Variants in GREB1L observed in about 807,000 individuals in gnomAD.
GREB1L encodes the protein GREB1 like retinoic acid receptor coactivator.
In GREB1L, 17 loss-of-function variants were observed where a neutral mutation model predicts 200.8. The observed-to-expected ratio is 0.08, with a 90% CI of 0.06 to 0.13. The LOEUF (loss-of-function observed/expected upper bound fraction) is 0.13. GREB1L is among the 10% of genes least tolerant of loss of function. GREB1L has a pLI of 1.00. For synonymous variants in GREB1L, 789 were observed against 893.0 expected (o/e 0.88, Z 2.08); for missense variants, 1,657 against 2,367.7 (o/e 0.70, Z 6.23).
chr18:21,273,936 T>C (rs1168086781), intron 1 of GREB1L, among the ~76,000 whole-genome samples: 1 of 152,262 alleles, frequency 6.6e-6, no homozygotes, highest in African/African-American at 2.4e-5. Context: ...CTTACTGTTT[T>C]AGATGACAAT....
At chr18:21,399,397 A>G (rs1461384743) in intron 5 of GREB1L, among the ~76,000 whole-genome samples, 2 of 152,130 alleles carry the variant, frequency 1.3e-5, no homozygotes, top group Non-Finnish European at 2.9e-5. Context: ...TGTCTAGCAC[A>G]TAATAGAGTA....
At chr18:21,430,495 C>T (rs1204274635) in intron 7 of GREB1L, among the ~76,000 whole-genome samples, 1 of 143,838 alleles carries the variant, frequency 7.0e-6, no homozygotes, top group Non-Finnish European at 1.5e-5. Context: ...TTCCTTTCTT[C>T]TTCTTTCTTT....
chr18:21,463,581 C>G (rs2035145516), intron 15 of GREB1L, among the ~76,000 whole-genome samples: 1 of 151,940 alleles, frequency 6.6e-6, no homozygotes, highest in East Asian at 2.0e-4. Context: ...AAAGAAAAAT[C>G]CTCCTGTCCA....
chr18:21,263,550 T>G (rs2037921466), intron 1 of GREB1L, among the ~76,000 whole-genome samples: 1 of 152,224 alleles, frequency 6.6e-6, no homozygotes, highest in African/African-American at 2.4e-5. Context: ...AACTTGAATT[T>G]TCCATTTGAA....
At chr18:21,326,804 C>G (rs1185831473) in intron 1 of GREB1L, among the ~76,000 whole-genome samples, 1 of 152,208 alleles carries the variant, frequency 6.6e-6, no homozygotes, top group Non-Finnish European at 1.5e-5. Flanking sequence ...CATTTAGAAA[C>G]TTCCCGAGCT....
At chr18:21,272,093 A>G (rs2038088388) in intron 1 of GREB1L, among the ~76,000 whole-genome samples, 1 of 152,242 alleles carries the variant, frequency 6.6e-6, no homozygotes, top group South Asian at 2.1e-4. Context: ...GGAATGATTC[A>G]TTAGGATAAG....
intron 1 of GREB1L, among the ~76,000 whole-genome samples, chr18:21,243,312 C>G (rs2037537332): frequency 1.3e-5 from 2 of 152,188 alleles, no homozygotes; most frequent in Non-Finnish European, 2.9e-5. Context: ...TTGCCCGGAA[C>G]TGCCGCTGCC....
intron 27 of GREB1L, among the ~76,000 whole-genome samples, chr18:21,510,617 C>A (rs2037201171): frequency 6.6e-6 from 1 of 152,210 alleles, no homozygotes; most frequent in Admixed American, 6.5e-5. Context: ...CTGCTCCCAC[C>A]TTATGGCTGT....
At position 21,440,275 on chromosome 18, in the gene GREB1L, T is replaced by G. The variant is rs536188766; in HGVS notation, c.956T>G (p.Met319Arg). Residue 319 changes from methionine to arginine, a missense_variant, in exon 9 of 33, where the codon ATG becomes AGG. Met to Arg is a moderately conservative substitution (Grantham distance 91, BLOSUM62 -1). Coordinates refer to ENST00000424526, the MANE Select transcript of GREB1L (RefSeq NM_001142966.3). ...TTTTTTTGTTTGTCTTCAGCTACCA[T>G]GTTCATTTCTGGGCCACCAAAGAAA... Reference protein sequence around the residue: ...PSYASGDQATMFISGPPKKRH... With the variant: ...PSYASGDQATRFISGPPKKRH... 6.4e-7 allele frequency: 1 copy of G among 1,551,672 alleles called. No individual in the cohort carries two copies. Among genetic ancestry groups the G allele is most frequent in the African/African-American group, 1.4e-5 (1 of 73,150 alleles).
chr18:21,395,358 T>A, intron 4 of GREB1L, 27 bp from the exon 5 acceptor site: 2 of 1,510,488 alleles, frequency 1.3e-6, no homozygotes, highest in East Asian at 2.5e-5. Flanking sequence ...CATTTCACTG[T>A]GTCCTTTTTT....
At chr18:21,461,001 G>A (rs1282356382) in intron 15 of GREB1L, among the ~76,000 whole-genome samples, 1 of 151,654 alleles carries the variant, frequency 6.6e-6, no homozygotes, top group Non-Finnish European at 1.5e-5. Context: ...GGAGGCTGAG[G>A]TGGGAGGATC....
At chr18:21,316,787 G>A (rs1255001474) in intron 1 of GREB1L, 35 of 130,898 alleles carry the variant, frequency 2.7e-4, no homozygotes, top group African/African-American at 9.9e-4. Context: ...TTTTTGAGAC[G>A]GAGTCTTGGT....
rs375582504 is a variant in GREB1L, at chr18:21,345,736, G to A, written c.-119-20291G>A. The stretch of plus-strand genomic sequence containing the variant: ...AAAATACGAAAATGAGCCAAGCATG[G>A]TGGCATGTGCCTGTAATCCCAGCTA... On this transcript the variant is annotated intron_variant, in intron 1 of 32. Coordinates refer to ENST00000424526, the MANE Select transcript of GREB1L (RefSeq NM_001142966.3). Among the ~76,000 whole-genome samples, 4 of 152,122 alleles carry A rather than the reference G, an allele frequency of 2.6e-5. No individual in the cohort carries two copies. The East Asian group carries it at 7.7e-4, about 29-fold the overall frequency.
rs1198228097 is a variant in GREB1L, at chr18:21,523,748, G to GACTC, written c.*929_*932dup. ...TGAAACTAGTTTGTTTCCTTTCAGG[G>GACTC]ACTCAAGCAAAGCTTCCTTTAAAAG... is the stretch of plus-strand genomic sequence containing the variant. On this transcript the variant is annotated 3_prime_UTR_variant, in exon 33 of 33. Transcript: ENST00000424526. 1 of 152,194 alleles carries GACTC rather than the reference G, an allele frequency of 6.6e-6. No individual in the cohort carries two copies. The highest frequency in any genetic ancestry group is 1.9e-4 in the East Asian group (1 of 5,206). The allele number at this position is 152,194 out of a possible 1,614,324, so 9.4% of individuals were successfully genotyped here.
At chr18:21,462,082 G>T (rs1205684046) in intron 15 of GREB1L, among the ~76,000 whole-genome samples, 1 of 152,180 alleles carries the variant, frequency 6.6e-6, no homozygotes, top group African/African-American at 2.4e-5. Context: ...AGTTACTGGT[G>T]CTCCTATGTT....
Position 21,477,260 on chromosome 18 carries a change from G to A in GREB1L, c.2460G>A (p.Leu820=), listed in dbSNP as rs2035739046. The A allele has an allele frequency of 1.9e-6, 3 of 1,551,616 alleles. No homozygotes were observed. Among genetic ancestry groups the A allele is most frequent in the Non-Finnish European group, 2.6e-6 (3 of 1,146,940 alleles). Residue 820 remains leucine, a synonymous_variant, in exon 17 of 33, where the codon CTG becomes CTA. Coordinates refer to ENST00000424526, the MANE Select transcript of GREB1L (RefSeq NM_001142966.3). ...CREVLEAFNL[L]VLQVSSFPYT... ...AAGTTCTGGAAGCTTTCAACCTCCT[G>A]GTGCTCCAGGTCAGCTCCTTCCCAT...
At chr18:21,260,559 C>G (rs2037873053) in intron 1 of GREB1L, among the ~76,000 whole-genome samples, 1 of 151,974 alleles carries the variant, frequency 6.6e-6, no homozygotes, top group Non-Finnish European at 1.5e-5. Flanking sequence ...ACTTAACATG[C>G]AAAGGACCAT....
At chr18:21,257,900 A>C (rs967615989) in intron 1 of GREB1L, among the ~76,000 whole-genome samples, 1 of 152,222 alleles carries the variant, frequency 6.6e-6, no homozygotes, top group Non-Finnish European at 1.5e-5. Context: ...CCTGTAAAGT[A>C]GGCATCATTA....
chr18:21,456,524 G>A (rs183954713), intron 15 of GREB1L, among the ~76,000 whole-genome samples: 3 of 152,142 alleles, frequency 2.0e-5, no homozygotes, highest in Admixed American at 6.5e-5. Context: ...GGCCAAATGA[G>A]CTGACTGACA....
Sources: allele counts gnomAD v4.1 joint callset (sites outside exome capture counted in the v4.1 genomes callset), GRCh38; gene constraint gnomAD v4.1.1; transcripts MANE v1.5; gene names NCBI Gene and HGNC (gene_info 2026-07-23, HGNC 2026-07-21).